RBM17: variants seen among roughly 807,000 people sequenced by gnomAD.
RBM17 encodes the protein splicing factor 45.
RBM17 carries 7 observed loss-of-function variants against 53.2 expected under a neutral mutation model. The observed-to-expected ratio is 0.13, with a 90% CI of 0.07 to 0.25. The LOEUF (loss-of-function observed/expected upper bound fraction) is 0.25, where lower values mean the gene tolerates loss of function less well. Ranked by LOEUF, RBM17 falls within the 10% of genes least tolerant of loss-of-function variation. The pLI is 1.00. For missense variants in RBM17, 257 were observed against 496.7 expected, an observed-to-expected ratio of 0.52 and a Z score of 4.59; for synonymous variants, 167 against 178.1, an observed-to-expected ratio of 0.94 and a Z score of 0.50.
At chr10:6,096,370 C>T (rs1323856117) in intron 1 of RBM17, among the ~76,000 whole-genome samples, 1 of 152,136 alleles carries the variant, frequency 6.6e-6, no homozygotes, top group Non-Finnish European at 1.5e-5. Context: ...TGCTTTGCGC[C>T]TGCTGACTCG....
chr10:6,111,759 C>A (rs982064921), intron 7 of RBM17, among the ~76,000 whole-genome samples: 2 of 152,178 alleles, frequency 1.3e-5, no homozygotes, highest in African/African-American at 4.8e-5. Flanking sequence ...TCTAAGGGTT[C>A]TTTCATTTGT....
chr10:6,104,469 A>G (rs933007768), intron 3 of RBM17, among the ~76,000 whole-genome samples: 4 of 152,246 alleles, frequency 2.6e-5, no homozygotes, highest in Non-Finnish European at 5.9e-5. Flanking sequence ...AGATCTCCAT[A>G]TATTCTTATC....
At chr10:6,097,286 T>A in intron 2 of RBM17, 98 bp downstream of exon 2, 1 of 1,254,670 alleles carries the variant, frequency 8.0e-7, no homozygotes, top group Non-Finnish European at 1.1e-6. Context: ...TCTGCCTTTG[T>A]ATTGGGTAAA....
At chr10:6,097,688 CAAACAAAA>C (rs1240293393) in intron 2 of RBM17, among the ~76,000 whole-genome samples, 1 of 151,782 alleles carries the variant, frequency 6.6e-6, no homozygotes, top group African/African-American at 2.4e-5. Flanking sequence ...AACAAACAAA[CAAACAAAA>C]AAACAGTACT....
chr10:6,102,249 C>T (rs915401512), intron 3 of RBM17, among the ~76,000 whole-genome samples: 4 of 152,166 alleles, frequency 2.6e-5, no homozygotes, highest in Non-Finnish European at 4.4e-5. Context: ...CTTAGCAAGG[C>T]GCGCCTGTCC....
At chr10:6,097,939 G>A (rs1214537936) in intron 2 of RBM17, among the ~76,000 whole-genome samples, 2 of 152,202 alleles carry the variant, frequency 1.3e-5, no homozygotes, top group East Asian at 3.8e-4. Flanking sequence ...AAGCTGCTGC[G>A]TGCAACTTAT....
intron 1 of RBM17, among the ~76,000 whole-genome samples, chr10:6,091,013 T>TTATGTATTTA (rs1840474045): frequency 8.8e-6 from 1 of 113,882 alleles, no homozygotes; most frequent in Non-Finnish European, 1.9e-5. Flanking sequence ...ATATAAATAT[T>TTATGTATTTA]TATATATTTA....
intron 2 of RBM17, among the ~76,000 whole-genome samples, chr10:6,099,160 C>A (rs1056806436): frequency 1.3e-5 from 2 of 151,964 alleles, no homozygotes; most frequent in African/African-American, 4.8e-5. Context: ...AGGGAAGATG[C>A]AGGTGTGAGC....
At position 6,112,403 on chromosome 10, in the gene RBM17, G is replaced by A; in HGVS notation, c.856+42G>A. The A allele has an allele frequency of 6.2e-7, 1 of 1,610,302 alleles. No homozygotes were observed. Among genetic ancestry groups the A allele is most frequent in the Non-Finnish European group, 8.5e-7 (1 of 1,177,730 alleles). On this transcript the variant is annotated intron_variant, in intron 8 of 11. Transcript: ENST00000379888. The surrounding 1 kb of genome is among the most constrained non-coding windows in gnomAD (Gnocchi z 4.4). The stretch of plus-strand genomic sequence containing the variant: ...GCGTGTGACTAGAGGGAAAGGACTG[G>A]CCCCATCCATATCAGACATGGCCAG...
intron 1 of RBM17, among the ~76,000 whole-genome samples, chr10:6,095,819 G>A (rs763978334): frequency 2.0e-5 from 3 of 152,150 alleles, no homozygotes; most frequent in Non-Finnish European, 2.9e-5. Flanking sequence ...CAACATCAGC[G>A]AAGGTGTTGG....
At chr10:6,105,894 T>G (rs1840741470) in intron 4 of RBM17, among the ~76,000 whole-genome samples, 1 of 152,044 alleles carries the variant, frequency 6.6e-6, no homozygotes, top group Non-Finnish European at 1.5e-5. Context: ...TCAAGGAACC[T>G]TTTTTTTCAT....
rs565782642 is a variant in RBM17, at chr10:6,116,989, A to G, written c.*1433A>G. 11 of 152,430 alleles carry G rather than the reference A, an allele frequency of 7.2e-5. No individual in the cohort carries two copies. The highest frequency in any genetic ancestry group is 2.2e-4 in the African/African-American group (9 of 41,566). 9.4% of individuals were successfully genotyped at this position (152,430 alleles called of 1,614,324 possible). A position where few individuals can be genotyped will look rare whatever the true frequency, so the allele number is the denominator to read the frequency against. ...AGCAGCCCTGGAACTTCAGTTATCTATGGAATTAGGCATACCATTCCTCAA... is the reference window on the plus strand; with the variant it reads ...AGCAGCCCTGGAACTTCAGTTATCTGTGGAATTAGGCATACCATTCCTCAA... On this transcript the variant is annotated 3_prime_UTR_variant, in exon 12 of 12. Coordinates refer to ENST00000379888, the MANE Select transcript of RBM17 (RefSeq NM_032905.5).
intron 5 of RBM17, chr10:6,108,466 G>T (rs1840788406): frequency 4.0e-6 from 2 of 498,756 alleles, no homozygotes; most frequent in Non-Finnish European, 7.2e-6. Flanking sequence ...TTTTATGAAG[G>T]AACAATTTTG....
chr10:6,098,563 G>GTCTTTTTTTTTTTTTTTTTTTTTTTTTT lies in RBM17; in HGVS notation c.123+1376_123+1377insCTTTTTTTTTTTTTTTTTTTTTTTTTTT, dbSNP rs1554834988. Reference sequence around the variant, plus strand: ...AATTTCCGTAATACACAGGTTTTTTGTTTTTTTTTTTTTTTTTTTTTTTTT... The same window carrying GTCTTTTTTTTTTTTTTTTTTTTTTTTTT: ...AATTTCCGTAATACACAGGTTTTTTGTCTTTTTTTTTTTTTTTTTTTTTTTTTTTTTTTTTTTTTTTTTTTTTTTTTTT... On this transcript the variant is annotated intron_variant, in intron 2 of 11. Coordinates refer to ENST00000379888, the MANE Select transcript of RBM17 (RefSeq NM_032905.5). Among the ~76,000 whole-genome samples, 2 of 46,642 alleles carry GTCTTTTTTTTTTTTTTTTTTTTTTTTTT rather than the reference G, an allele frequency of 4.3e-5. 1 individual carries two copies. Among genetic ancestry groups the GTCTTTTTTTTTTTTTTTTTTTTTTTTTT allele is most frequent in the Non-Finnish European group, 8.9e-5 (2 of 22,538 alleles). The allele number at this position is 46,642 out of a possible 152,430, so 30.6% of individuals were successfully genotyped here. A position where few individuals can be genotyped will look rare whatever the true frequency, so the allele number is the denominator to read the frequency against.
chr10:6,094,983 A>G (rs1840550713), intron 1 of RBM17, among the ~76,000 whole-genome samples: 1 of 152,234 alleles, frequency 6.6e-6, no homozygotes, highest in Non-Finnish European at 1.5e-5. Flanking sequence ...GTTCAGAGTT[A>G]TTAAACTAGG....
rs1564570186 is a variant in RBM17, at chr10:6,113,511, C to G, written c.860C>G (p.Ala287Gly). 1.2e-6 allele frequency: 2 copies of G among 1,608,198 alleles called. No homozygotes were observed. The highest frequency in any genetic ancestry group is 8.5e-7 in the Non-Finnish European group (1 of 1,174,726). The stretch of plus-strand genomic sequence containing the variant: ...CTAATGGTATGTTTTGATACAGATG[C>G]ATCCAAGAAGTCAGATTCAAATCCG... ...IIVGDATEKD[A>G]SKKSDSNPLT... The change falls in exon 9 of 12, where the codon GCA (alanine) becomes GGA (glycine). Residue 287 changes from alanine to glycine, a missense_variant. Physicochemically the swap from Ala to Gly is moderately conservative, Grantham distance 60. Transcript: ENST00000379888.
chr10:6,114,167 A>G lies in RBM17; in HGVS notation c.1029+20A>G. On this transcript the variant is annotated intron_variant, in intron 10 of 11. Transcript: ENST00000379888. ...TTTGAAGTAAGAGTGTTTTCTTTTG[A>G]TGTTTATAACACAAGTTGTAATTGG... The G allele has an allele frequency of 4.9e-6, 7 of 1,422,982 alleles. No homozygotes were observed. The highest frequency in any genetic ancestry group is 6.9e-6 in the Non-Finnish European group (7 of 1,009,606). The allele number at this position is 1,422,982 out of a possible 1,614,324, so 88.1% of individuals were successfully genotyped here. A position where few individuals can be genotyped will look rare whatever the true frequency, so the allele number is the denominator to read the frequency against.
Position 6,096,316 on chromosome 10 carries a change from C to T in RBM17, c.-18-732C>T, listed in dbSNP as rs146403366. Among the ~76,000 whole-genome samples the T allele has an allele frequency of 3.0e-4, 46 of 152,254 alleles. No homozygotes were observed. The East Asian group carries it at 8.5e-3, about 28-fold the overall frequency. ...CCCCAGCATCCATGTCTGTGCAGTGCTGGGCTTTCATGGGACCTGCTGCCG... is the reference window on the plus strand; with the variant it reads ...CCCCAGCATCCATGTCTGTGCAGTGTTGGGCTTTCATGGGACCTGCTGCCG... On this transcript the variant is annotated intron_variant, in intron 1 of 11. Transcript: ENST00000379888.
intron 5 of RBM17, chr10:6,106,475 G>T: frequency 2.5e-6 from 1 of 405,598 alleles, no homozygotes; most frequent in South Asian, 2.5e-5. Flanking sequence ...GGATACTTTG[G>T]GACTAGCTTA....
Sources: gnomAD v4.1 joint callset for allele counts (sites outside exome capture counted in the v4.1 genomes callset) on GRCh38, gnomAD v4.1.1 for gene constraint, Gnocchi (gnomAD v3.1) non-coding constraint, MANE v1.5 for transcripts, NCBI Gene and HGNC (gene_info 2026-07-23, HGNC 2026-07-21) for gene names.